The following ATPAF1 variants were observed in gnomAD, a reference collection of about 807,000 sequenced individuals.
The protein encoded by ATPAF1 is homolog of yeast ATP11.
In ATPAF1, 26 loss-of-function variants were observed where a neutral mutation model predicts 43.9. The ratio of observed to expected loss-of-function variants is 0.59; its 90% CI spans 0.43 to 0.82. The LOEUF is 0.82. Among genes scored for constraint, ATPAF1 ranks in the 40% least tolerant of loss-of-function variants. The pLI, the probability that ATPAF1 is intolerant of heterozygous loss-of-function variation, is 0.00. For synonymous variants in ATPAF1, 157 were observed against 168.0 expected (o/e 0.93, Z 0.50); for missense variants, 366 against 435.0 (o/e 0.84, Z 1.41).
In ATPAF1 at chr1:46,663,069, G is replaced by A. The variant is rs570227388; in HGVS notation, c.375+2187C>T. ...GTCCTTGCGATAGTTTGCTGAGAAC[G>A]ATGGTTTCCAGCTTCATCCATGTCC... On this transcript the variant is annotated intron_variant, in intron 2 of 8. Transcript: ENST00000574428. Among the ~76,000 whole-genome samples the A allele has an allele frequency of 7.9e-5, 12 of 152,262 alleles. No individual in the cohort carries two copies. In the East Asian group the frequency reaches 1.4e-3, roughly 17 times the overall value.
At chr1:46,648,707 G>A (rs1019954391) in intron 6 of ATPAF1, among the ~76,000 whole-genome samples, 2 of 152,100 alleles carry the variant, frequency 1.3e-5, no homozygotes, top group Admixed American at 6.6e-5. Flanking sequence ...GCCAGGTGCG[G>A]TGGCTCATGC....
exon 9 of ATPAF1, chr1:46,635,618 A>T: frequency 1.6e-6 from 1 of 636,516 alleles, no homozygotes; most frequent in Non-Finnish European, 2.7e-6. Context: ...AATATCAAGT[A>T]ATAGGGCTCA....
At chr1:46,638,911 C>T (rs34676644) in intron 8 of ATPAF1, among the ~76,000 whole-genome samples, 533 of 152,256 alleles carry the variant, frequency 3.5e-3, no homozygotes, top group Non-Finnish European at 4.9e-3. Context: ...CTACAATCAA[C>T]GCACCAAGTC....
intron 8 of ATPAF1, among the ~76,000 whole-genome samples, chr1:46,638,515 G>T (rs909976753): frequency 3.3e-5 from 5 of 151,928 alleles, no homozygotes; most frequent in Admixed American, 2.0e-4. Context: ...CCAGCTACTC[G>T]GGAGGCTGAG....
intron 1 of ATPAF1, 158 bp from the exon 2 acceptor site, chr1:46,665,522 TA>T: frequency 8.3e-7 from 1 of 1,202,860 alleles, no homozygotes; most frequent in Non-Finnish European, 1.2e-6. Flanking sequence ...GGCCTAGAAA[TA>T]AAGAAACTGG....
At chr1:46,668,437 C>T, upstream of ATPAF1, 10 of 1,151,836 alleles carry the variant, frequency 8.7e-6, no homozygotes, top group Non-Finnish European at 1.1e-5. This position sits in a 1 kb window ranked among gnomAD's most constrained non-coding sequence, Gnocchi z 4.4. Context: ...CGAGGTTCCG[C>T]GCGCCCAAGG....
At chr1:46,652,205 C>CAAAAAAAA (rs10718568) in intron 6 of ATPAF1, among the ~76,000 whole-genome samples, 1 of 109,792 alleles carries the variant, frequency 9.1e-6, no homozygotes, top group Non-Finnish European at 2.1e-5. Context: ...ATAATAAAAG[C>CAAAAAAAA]AAAAAAAAAA....
intron 1 of ATPAF1, chr1:46,665,804 C>T: frequency 6.9e-7 from 1 of 1,455,466 alleles, no homozygotes; most frequent in Non-Finnish European, 9.0e-7. Context: ...TTATTCAGAT[C>T]CTGGTGATTC....
chr1:46,633,349 C>T, downstream of ATPAF1: 1 of 183,162 alleles, frequency 5.5e-6, no homozygotes, highest in South Asian at 1.1e-4. Context: ...ATATTTTCTA[C>T]TATAGTGAAG....
intron 8 of ATPAF1, among the ~76,000 whole-genome samples, chr1:46,637,053 T>G (rs888505325): frequency 2.0e-5 from 3 of 152,204 alleles, no homozygotes; most frequent in African/African-American, 7.2e-5. Flanking sequence ...CTACAGAAAC[T>G]GCGAGGTAAT....
At chr1:46,646,073 GCT>G in intron 6 of ATPAF1, among the ~76,000 whole-genome samples, 1 of 152,322 alleles carries the variant, frequency 6.6e-6, no homozygotes, top group Non-Finnish European at 1.5e-5. Flanking sequence ...CTACTCGGGG[GCT>G]GAGGCAGGAG....
intron 2 of ATPAF1, among the ~76,000 whole-genome samples, chr1:46,660,618 A>G (rs1407556695): frequency 6.6e-6 from 1 of 152,208 alleles, no homozygotes; most frequent in Admixed American, 6.5e-5. Flanking sequence ...TTAAAATGAG[A>G]AAAATAAGAG....
intron 7 of ATPAF1, among the ~76,000 whole-genome samples, 195 bp downstream of exon 7, chr1:46,644,966 G>C (rs949395612): frequency 4.6e-5 from 7 of 152,210 alleles, no homozygotes; most frequent in Non-Finnish European, 8.8e-5. Context: ...GTGTTTTGGA[G>C]TCTTTTCCAA....
intron 8 of ATPAF1, 142 bp from the exon 9 acceptor site, chr1:46,636,112 G>T (rs760728328): frequency 1.2e-6 from 1 of 849,918 alleles, no homozygotes; most frequent in Non-Finnish European, 2.0e-6. Context: ...CCCTAGTCTT[G>T]GTTAGGTGCC....
At chr1:46,639,913 T>C (rs1675919179) in intron 8 of ATPAF1, among the ~76,000 whole-genome samples, 1 of 152,176 alleles carries the variant, frequency 6.6e-6, no homozygotes, top group Non-Finnish European at 1.5e-5. Context: ...GTGGTAAAAA[T>C]GGCAAACAGC....
At chr1:46,633,575 A>G (rs1675787759), downstream of ATPAF1, 1 of 401,696 alleles carries the variant, frequency 2.5e-6, no homozygotes, top group African/African-American at 2.1e-5. Context: ...TTTACTGATT[A>G]AATGGTACAA....
chr1:46,643,129 G>T, intron 8 of ATPAF1, 65 bp downstream of exon 8: 2 of 1,305,534 alleles, frequency 1.5e-6, no homozygotes, highest in Non-Finnish European at 2.2e-6. Context: ...CATGAGCTTT[G>T]GCAGAAGAGT....
chr1:46,668,109 G>T lies in ATPAF1; in HGVS notation c.214C>A (p.Gln72Lys). 1 of 1,448,428 alleles carries T rather than the reference G, an allele frequency of 6.9e-7. No homozygotes were observed. Among genetic ancestry groups the T allele is most frequent in the Non-Finnish European group, 9.1e-7 (1 of 1,098,896 alleles). The allele number at this position is 1,448,428 out of a possible 1,614,324, so 89.7% of individuals were successfully genotyped here. The change falls in exon 1 of 9, where the codon CAG becomes AAG. Residue 72 changes from glutamine (Q) to lysine (K), a missense_variant. By Grantham distance (53) the Gln-to-Lys change is moderately conservative. This residue lies in a region of ATPAF1 where 186 missense variants were observed against 168.5 expected (regional missense o/e 1.10). Coordinates refer to ENST00000574428, the Ensembl canonical transcript of ATPAF1. This position sits in a 1 kb window ranked among gnomAD's most constrained non-coding sequence, Gnocchi z 4.4. ...TAGCGGTCGTAGAAAGGGTTGGCCT[G>T]GAGCTCGGCCTCGGCCCCGACCCCG... is the stretch of plus-strand genomic sequence containing the variant.
rs1366570783 is a variant in ATPAF1 at position 46,643,321 on chromosome 1, T to C, written c.685-20A>G. ...TCGGGTCTGCAAGGTGGAACACTTATCAAGGCTCAATAAGGTACCATCACA... is the reference window on the plus strand; with the variant it reads ...TCGGGTCTGCAAGGTGGAACACTTACCAAGGCTCAATAAGGTACCATCACA... On this transcript the variant is annotated intron_variant, in intron 7 of 8. Transcript: ENST00000574428. The C allele has an allele frequency of 6.4e-7, 1 of 1,569,576 alleles. No individual in the cohort carries two copies. Among genetic ancestry groups the C allele is most frequent in the Non-Finnish European group, 8.7e-7 (1 of 1,143,228 alleles).
Sources: allele counts gnomAD v4.1 joint callset (sites outside exome capture counted in the v4.1 genomes callset), GRCh38; gene constraint gnomAD v4.1.1; regional missense constraint gnomAD v4.1.1; non-coding constraint Gnocchi (gnomAD v3.1); transcripts MANE v1.5; gene names NCBI Gene and HGNC (gene_info 2026-07-23, HGNC 2026-07-21).